Variants in SPIRE2 observed in about 807,000 individuals in gnomAD.
The protein encoded by SPIRE2 is spire type actin nucleation factor 2, also known as protein spire homolog 2.
A neutral mutation model predicts 80.7 loss-of-function variants in SPIRE2; 76 were observed. That is an observed-to-expected ratio of 0.94 (90% confidence interval 0.78 to 1.14). The LOEUF is 1.14. SPIRE2 is among the 50% of genes most tolerant of loss of function. The probability of loss-of-function intolerance (pLI) is 0.00; values close to 1 mark genes in which losing one functional copy is unlikely to be tolerated. For missense variants in SPIRE2, 1,196 were observed against 1,015.3 expected (o/e 1.18, Z -2.42); for synonymous variants, 535 against 432.6 (o/e 1.24, Z -2.94).
rs927018779 is a variant in SPIRE2 at position 89,870,465 on chromosome 16, TG to T, written c.*198del. On this transcript the variant is annotated 3_prime_UTR_variant, in exon 15 of 15. Coordinates refer to ENST00000378247, the MANE Select transcript of SPIRE2 (RefSeq NM_032451.2). ...TTCAGGCGCACTTCAAAACCCTCCC[TG>T]GGGGAGGCTGTTTCTTCTCAGGATT... 12 of 516,574 alleles carry T rather than the reference TG, an allele frequency of 2.3e-5. No individual in the cohort carries two copies. The highest frequency in any genetic ancestry group is 2.1e-4 in the African/African-American group (11 of 52,448). The allele number at this position is 516,574 out of a possible 1,614,324, so 32.0% of individuals were successfully genotyped here.
At chr16:89,830,061 G>A (rs1186970907) in intron 1 of SPIRE2, among the ~76,000 whole-genome samples, 2 of 151,302 alleles carry the variant, frequency 1.3e-5, no homozygotes, top group Non-Finnish European at 3.0e-5. Context: ...TGTAAAGATG[G>A]GGAAACCGAG....
intron 7 of SPIRE2, among the ~76,000 whole-genome samples, chr16:89,856,941 C>T (rs2041696546): frequency 6.6e-6 from 1 of 151,560 alleles, no homozygotes; most frequent in South Asian, 2.1e-4. Context: ...TGGCACATGG[C>T]TGTAATCCCA....
At chr16:89,859,415 C>T (rs2041722611) in intron 9 of SPIRE2, 61 bp downstream of exon 9, 2 of 1,107,136 alleles carry the variant, frequency 1.8e-6, no homozygotes, top group Admixed American at 3.6e-5. Context: ...ATCCTGTGGG[C>T]ACCATCCCTC....
chr16:89,840,515 C>G (rs1319513716), intron 1 of SPIRE2, among the ~76,000 whole-genome samples: 2 of 151,192 alleles, frequency 1.3e-5, no homozygotes, highest in African/African-American at 2.4e-5. Flanking sequence ...TCCCAAAGTG[C>G]TGGATTACAG....
rs994433207 is a variant in SPIRE2, at chr16:89,835,682, C to A, written c.244+6888C>A. On this transcript the variant is annotated intron_variant, in intron 1 of 14. Coordinates refer to ENST00000378247, the MANE Select transcript of SPIRE2 (RefSeq NM_032451.2). ...TTGGGACTCCAGATAAGGTTGAGGC[C>A]CCATTTAGGAGGAAGGCGGGCTGGA... Among the ~76,000 whole-genome samples the A allele has an allele frequency of 8.5e-5, 13 of 152,216 alleles. No individual in the cohort carries two copies. The East Asian group carries it at 2.3e-3, about 27-fold the overall frequency.
chr16:89,854,692 G>T (rs904655423), intron 5 of SPIRE2, 41 bp downstream of exon 5: 6 of 1,594,956 alleles, frequency 3.8e-6, no homozygotes, highest in Non-Finnish European at 5.1e-6. Context: ...GGATGCAGAG[G>T]TCGTGGTGAG....
chr16:89,845,446 T>C lies in SPIRE2; in HGVS notation c.288+81T>C, dbSNP rs552174112. The C allele has an allele frequency of 1.0e-5, 13 of 1,276,906 alleles. No homozygotes were observed. The East Asian group carries it at 1.6e-4, about 16-fold the overall frequency. 79.1% of individuals were successfully genotyped at this position (1,276,906 alleles called of 1,614,324 possible). On this transcript the variant is annotated intron_variant, in intron 2 of 14. Transcript: ENST00000378247. Reference sequence around the variant, plus strand: ...CTTAAAATGTAAATCATAAAACATATATAGTTACACAGTTGTTTCAGGGAG... The same window carrying C: ...CTTAAAATGTAAATCATAAAACATACATAGTTACACAGTTGTTTCAGGGAG...
chr16:89,838,546 G>A (rs1285466621), intron 1 of SPIRE2, among the ~76,000 whole-genome samples: 1 of 152,114 alleles, frequency 6.6e-6, no homozygotes, highest in Non-Finnish European at 1.5e-5. Context: ...GAAGCTCAGG[G>A]AAGCACGGTG....
chr16:89,850,783 C>T (rs998758566), intron 3 of SPIRE2, 123 bp downstream of exon 3: 7 of 670,362 alleles, frequency 1.0e-5, no homozygotes, highest in East Asian at 6.3e-5. Flanking sequence ...GTGCGACTGC[C>T]GCTGGCATTA....
chr16:89,829,520 G>A (rs1294775710), intron 1 of SPIRE2, among the ~76,000 whole-genome samples: 2 of 152,252 alleles, frequency 1.3e-5, no homozygotes, highest in African/African-American at 4.8e-5. Flanking sequence ...CCGGGGGGCA[G>A]AGGCAGGCTG....
At chr16:89,853,108 C>T (rs1349454726) in intron 3 of SPIRE2, among the ~76,000 whole-genome samples, 1 of 152,214 alleles carries the variant, frequency 6.6e-6, no homozygotes, top group African/African-American at 2.4e-5. Flanking sequence ...AGACGGTCCT[C>T]CTGCTGTTGT....
At chr16:89,836,901 A>G (rs1345429690) in intron 1 of SPIRE2, among the ~76,000 whole-genome samples, 1 of 151,974 alleles carries the variant, frequency 6.6e-6, no homozygotes, top group South Asian at 2.1e-4. Context: ...AGGATGAGGC[A>G]GGAGAATCGC....
chr16:89,859,078 C>T, intron 8 of SPIRE2, 87 bp from the exon 9 acceptor site: 1 of 1,275,536 alleles, frequency 7.8e-7, no homozygotes, highest in South Asian at 1.5e-5. Flanking sequence ...CCCTGCGGCA[C>T]CCCTGGGTCC....
chr16:89,869,726 C>A, intron 14 of SPIRE2, 44 bp downstream of exon 14: 1 of 1,487,186 alleles, frequency 6.7e-7, no homozygotes, highest in Non-Finnish European at 9.4e-7. Context: ...GGTGGTCGGG[C>A]GTGAAGAGGA....
rs1169694715 is a variant in SPIRE2, at chr16:89,848,850, C to T, written c.289-1454C>T. On this transcript the variant is annotated intron_variant, in intron 2 of 14. Transcript: ENST00000378247. Reference sequence around the variant, plus strand: ...GGCCTTCTGCGGCTTTTTTGCAGGTCAGACGAGGCAGGTTCCAGGGCCTTC... The same window carrying T: ...GGCCTTCTGCGGCTTTTTTGCAGGTTAGACGAGGCAGGTTCCAGGGCCTTC... Among the ~76,000 whole-genome samples the T allele has an allele frequency of 2.0e-5, 3 of 150,392 alleles. No homozygotes were observed. The East Asian group carries it at 5.9e-4, about 30-fold the overall frequency.
intron 1 of SPIRE2, among the ~76,000 whole-genome samples, chr16:89,833,487 G>A (rs981994543): frequency 2.6e-5 from 4 of 152,254 alleles, no homozygotes; most frequent in African/African-American, 7.2e-5. Context: ...CAAAGGGAAA[G>A]CAGCCACCCA....
rs1339832275 is a variant in SPIRE2 at position 89,863,387 on chromosome 16, G to C, written c.1576-89G>C. Reference sequence around the variant, plus strand: ...AAGGTCGCAGGCTTGTTTAGGCTGAGGCCAGGGAGGGTTAGGGTCCTCAGG... The same window carrying C: ...AAGGTCGCAGGCTTGTTTAGGCTGACGCCAGGGAGGGTTAGGGTCCTCAGG... On this transcript the variant is annotated intron_variant, in intron 10 of 14. Coordinates refer to ENST00000378247, the MANE Select transcript of SPIRE2 (RefSeq NM_032451.2). The surrounding 1 kb of genome is among the most constrained non-coding windows in gnomAD (Gnocchi z 4.3). The C allele has an allele frequency of 1.5e-5, 22 of 1,486,896 alleles. No individual in the cohort carries two copies. The highest frequency in any genetic ancestry group is 2.0e-5 in the Non-Finnish European group (22 of 1,085,544). 92.1% of individuals were successfully genotyped at this position (1,486,896 alleles called of 1,614,324 possible). A position where few individuals can be genotyped will look rare whatever the true frequency, so the allele number is the denominator to read the frequency against.
At chr16:89,833,195 G>A (rs560266872) in intron 1 of SPIRE2, among the ~76,000 whole-genome samples, 62 of 152,074 alleles carry the variant, frequency 4.1e-4, no homozygotes, top group South Asian at 3.9e-3. Flanking sequence ...CACCATGTTG[G>A]CCAGGCTGGT....
intron 2 of SPIRE2, chr16:89,849,721 C>G: frequency 4.2e-6 from 1 of 237,608 alleles, no homozygotes; most frequent in South Asian, 4.7e-5. Flanking sequence ...CACAGAACCA[C>G]TGGTGCCCTT....
Sources: allele counts gnomAD v4.1 joint callset (sites outside exome capture counted in the v4.1 genomes callset), GRCh38; gene constraint gnomAD v4.1.1; non-coding constraint Gnocchi (gnomAD v3.1); transcripts MANE v1.5; gene names NCBI Gene and HGNC (gene_info 2026-07-23, HGNC 2026-07-21).